GREB1L: variants seen among roughly 807,000 people sequenced by gnomAD.
GREB1L encodes GREB1-like protein.
A neutral mutation model predicts 200.8 loss-of-function variants in GREB1L; 17 were observed. That is an observed-to-expected ratio of 0.08 (90% CI 0.06 to 0.13). The LOEUF (loss-of-function observed/expected upper bound fraction) is 0.13. Ranked by LOEUF, GREB1L falls within the 10% of genes least tolerant of loss-of-function variation. The pLI is 1.00. For missense variants in GREB1L, 1,657 were observed against 2,367.7 expected (o/e 0.70, Z 6.23); for synonymous variants, 789 against 893.0 (o/e 0.88, Z 2.08).
intron 17 of GREB1L, among the ~76,000 whole-genome samples, chr18:21,478,933 G>A (rs1191428193): frequency 6.6e-6 from 1 of 152,174 alleles, no homozygotes; most frequent in Non-Finnish European, 1.5e-5. Flanking sequence ...CCAGGCTGGA[G>A]TGCAGTGGTG....
At chr18:21,458,480 A>G (rs1160664753) in intron 15 of GREB1L, among the ~76,000 whole-genome samples, 1 of 152,192 alleles carries the variant, frequency 6.6e-6, no homozygotes, top group Non-Finnish European at 1.5e-5. Context: ...CTGCCAGGAA[A>G]AGCACCCAGG....
intron 1 of GREB1L, among the ~76,000 whole-genome samples, chr18:21,323,166 G>A (rs919032053): frequency 1.3e-5 from 2 of 151,992 alleles, no homozygotes; most frequent in African/African-American, 2.4e-5. Context: ...GTGTGCCTGT[G>A]GTCCCAGCCG....
chr18:21,411,267 C>T lies in GREB1L; in HGVS notation c.832+7273C>T, dbSNP rs969129512. The stretch of plus-strand genomic sequence containing the variant: ...TGTCGCCCAGGCTGGAGTGCAGTGG[C>T]GCCATCTCAGCTCACTGCAAGCCCC... On this transcript the variant is annotated intron_variant, in intron 7 of 32. Transcript: ENST00000424526. Among the ~76,000 whole-genome samples the T allele has an allele frequency of 4.6e-5, 7 of 150,584 alleles. 1 individual carries two copies. In the South Asian group the frequency reaches 6.3e-4, roughly 14 times the overall value.
At chr18:21,432,705 CTTTTTTTTTTT>C (rs11380208) in intron 7 of GREB1L, among the ~76,000 whole-genome samples, 1 of 94,368 alleles carries the variant, frequency 1.1e-5, no homozygotes, top group Non-Finnish European at 2.0e-5. Flanking sequence ...TCTTTTTTTT[CTTTTTTTTTTT>C]TTTTTTTTGA....
At chr18:21,341,483 C>T (rs2039268955) in intron 1 of GREB1L, among the ~76,000 whole-genome samples, 1 of 152,184 alleles carries the variant, frequency 6.6e-6, no homozygotes, top group Admixed American at 6.5e-5. Context: ...GGCATCTTTC[C>T]ACCTCAGCTT....
At chr18:21,243,792 A>C (rs1396182533) in intron 1 of GREB1L, among the ~76,000 whole-genome samples, 1 of 152,238 alleles carries the variant, frequency 6.6e-6, no homozygotes, top group Non-Finnish European at 1.5e-5. Flanking sequence ...AGTTACATGC[A>C]TATAGGTATG....
intron 6 of GREB1L, among the ~76,000 whole-genome samples, chr18:21,403,065 A>G (rs1313517350): frequency 2.6e-5 from 4 of 151,840 alleles, no homozygotes; most frequent in Non-Finnish European, 1.5e-5. Flanking sequence ...TATGTATCTC[A>G]TAAACTTGGA....
chr18:21,452,693 A>G (rs975691013), intron 14 of GREB1L, among the ~76,000 whole-genome samples: 5 of 152,190 alleles, frequency 3.3e-5, no homozygotes, highest in African/African-American at 1.2e-4. Flanking sequence ...CATCTGCCCT[A>G]CAACAAGCTT....
intron 10 of GREB1L, among the ~76,000 whole-genome samples, chr18:21,442,827 T>C (rs2033976370): frequency 2.0e-5 from 3 of 150,930 alleles, no homozygotes; most frequent in Admixed American, 1.3e-4. Flanking sequence ...TCCAGGTGGA[T>C]AGTGTCAGAA....
rs764069780 is a variant in GREB1L, at chr18:21,495,564, G to A, written c.3031-106G>A. ...TAAACATATGTAAACACTTAGTGGA[G>A]TAATTTGAAAGCACAGTGTGTCTAA... On this transcript the variant is annotated intron_variant, in intron 19 of 32. Coordinates refer to ENST00000424526, the MANE Select transcript of GREB1L (RefSeq NM_001142966.3). 69 of 681,544 alleles carry A rather than the reference G, an allele frequency of 1.0e-4. 1 individual carries two copies. Among genetic ancestry groups the A allele is most frequent in the South Asian group, 2.9e-4 (17 of 58,588 alleles). The allele number at this position is 681,544 out of a possible 1,614,324, so 42.2% of individuals were successfully genotyped here.
rs182238567 is a variant in GREB1L, at chr18:21,411,559, G to A, written c.832+7565G>A. Among the ~76,000 whole-genome samples, 5 of 152,244 alleles carry A rather than the reference G, an allele frequency of 3.3e-5. No individual in the cohort carries two copies. In the East Asian group the frequency reaches 9.7e-4, roughly 29 times the overall value. The stretch of plus-strand genomic sequence containing the variant: ...GAACTAATATACACTGCTGGTAGGA[G>A]TGTTAATTGATACCAAAGCTCTGTA... On this transcript the variant is annotated intron_variant, in intron 7 of 32. Coordinates refer to ENST00000424526, the MANE Select transcript of GREB1L (RefSeq NM_001142966.3).
At chr18:21,245,227 T>C (rs886385453) in intron 1 of GREB1L, among the ~76,000 whole-genome samples, 9 of 152,156 alleles carry the variant, frequency 5.9e-5, no homozygotes, top group Non-Finnish European at 1.3e-4. Flanking sequence ...GATGTTAAGA[T>C]AGAGATCTCA....
At chr18:21,354,005 T>G (rs1468785699) in intron 1 of GREB1L, among the ~76,000 whole-genome samples, 2 of 152,118 alleles carry the variant, frequency 1.3e-5, no homozygotes, top group African/African-American at 4.8e-5. Context: ...GCCAGGCTGG[T>G]CTTGAACTCC....
At chr18:21,518,361 G>A (rs1229913152) in intron 31 of GREB1L, 127 bp downstream of exon 31, 2 of 867,364 alleles carry the variant, frequency 2.3e-6, no homozygotes, top group African/African-American at 3.4e-5. Flanking sequence ...TCCTTTGCCA[G>A]AACTTTTATT....
chr18:21,244,590 C>A (rs1042435969), intron 1 of GREB1L, among the ~76,000 whole-genome samples: 3 of 152,202 alleles, frequency 2.0e-5, no homozygotes, highest in African/African-American at 7.2e-5. Flanking sequence ...TGTCCTAAAA[C>A]TGGCTAAAGA....
intron 1 of GREB1L, among the ~76,000 whole-genome samples, chr18:21,278,447 C>T (rs1281415657): frequency 6.6e-6 from 1 of 151,318 alleles, no homozygotes; most frequent in Admixed American, 6.6e-5. Context: ...CAACAGCATC[C>T]TCCTCAAAAC....
At chr18:21,491,193 T>G (rs2036320176) in intron 19 of GREB1L, among the ~76,000 whole-genome samples, 1 of 152,232 alleles carries the variant, frequency 6.6e-6, no homozygotes, top group African/African-American at 2.4e-5. Flanking sequence ...AGCTACTGTA[T>G]GTCTGAGTTA....
At chr18:21,273,875 TCTTTA>T (rs759639530) in intron 1 of GREB1L, among the ~76,000 whole-genome samples, 12 of 152,120 alleles carry the variant, frequency 7.9e-5, no homozygotes, top group Admixed American at 1.3e-4. Flanking sequence ...GGCCACTGGA[TCTTTA>T]CTTTAATGCA....
chr18:21,433,228 T>C (rs1376924031), intron 7 of GREB1L, among the ~76,000 whole-genome samples: 1 of 152,234 alleles, frequency 6.6e-6, no homozygotes, highest in East Asian at 1.9e-4. Context: ...GGCATTTTAT[T>C]TAACTATGGA....
Sources: allele counts gnomAD v4.1 joint callset (sites outside exome capture counted in the v4.1 genomes callset), GRCh38; gene constraint gnomAD v4.1.1; transcripts MANE v1.5; gene names NCBI Gene and HGNC (gene_info 2026-07-23, HGNC 2026-07-21).